The following KCNJ5 variants were observed in gnomAD, a reference collection of about 807,000 sequenced individuals.
The protein encoded by KCNJ5 is G protein-activated inward rectifier potassium channel 4.
A neutral mutation model predicts 20.2 loss-of-function variants in KCNJ5; 12 were observed. The ratio of observed to expected loss-of-function variants is 0.59; its 90% CI spans 0.38 to 0.96. The LOEUF is 0.96. Ranked by LOEUF, KCNJ5 falls within the 40% of genes least tolerant of loss-of-function variation. The pLI is 0.00. For synonymous variants in KCNJ5, 210 were observed against 213.9 expected (o/e 0.98, Z 0.16); for missense variants, 449 against 557.6 (o/e 0.81, Z 1.96).
At chr11:128,916,198 TTGGA>T (rs201935642) in intron 2 of KCNJ5, among the ~76,000 whole-genome samples, 10 of 98,862 alleles carry the variant, frequency 1.0e-4, no homozygotes, top group Non-Finnish European at 1.6e-4. Flanking sequence ...GGATGGATGG[TTGGA>T]TGGATGGATG....
intron 1 of KCNJ5, among the ~76,000 whole-genome samples, chr11:128,896,392 C>G (rs886995548): frequency 2.0e-5 from 3 of 152,150 alleles, no homozygotes; most frequent in Non-Finnish European, 4.4e-5. Flanking sequence ...TTTCCATCAC[C>G]AGGAGGACCT....
At position 128,911,737 on chromosome 11, in the gene KCNJ5, G is replaced by T. The variant is rs766969216; in HGVS notation, c.464G>T (p.Arg155Leu). 1 of 1,614,138 alleles carries T rather than the reference G, an allele frequency of 6.2e-7. No individual in the cohort carries two copies. Among genetic ancestry groups the T allele is most frequent in the Non-Finnish European group, 8.5e-7 (1 of 1,180,012 alleles). ...ETETTIGYGFRVITEKCPEGI... is the reference protein window; with the variant it reads ...ETETTIGYGFLVITEKCPEGI... ...GAAACAACCATTGGGTATGGCTTCC[G>T]AGTCATCACAGAGAAGTGTCCAGAG... The change falls in exon 2 of 3, where the codon CGA becomes CTA. Residue 155 changes from arginine to leucine, a missense_variant. Physicochemically the swap from Arg to Leu is moderately radical, Grantham distance 102. This residue lies in a region of KCNJ5 where 203 missense variants were observed against 258.0 expected (regional missense o/e 0.79). Coordinates refer to ENST00000529694, the MANE Select transcript of KCNJ5 (RefSeq NM_000890.5). This position sits in a 1 kb window ranked among gnomAD's most constrained non-coding sequence, Gnocchi z 6.3.
At chr11:128,896,697 A>G (rs563457434) in intron 1 of KCNJ5, among the ~76,000 whole-genome samples, 1 of 151,968 alleles carries the variant, frequency 6.6e-6, no homozygotes, top group South Asian at 2.1e-4. Context: ...GGAAGGTACC[A>G]TTGCTTGTTT....
chr11:128,895,727 G>A (rs561696350), intron 1 of KCNJ5, among the ~76,000 whole-genome samples: 1 of 152,264 alleles, frequency 6.6e-6, no homozygotes, highest in Non-Finnish European at 1.5e-5. Flanking sequence ...ACTGCCTGGG[G>A]GCGGGCAGAG....
In KCNJ5 at chr11:128,916,370, A is replaced by T. The variant is rs1328506856; in HGVS notation, c.938-39A>T. The stretch of plus-strand genomic sequence containing the variant: ...GATGAATGGATGGATAGATGGATGG[A>T]TGATTGCATCATAATGCATGTAACT... On this transcript the variant is annotated intron_variant, in intron 2 of 2. Transcript: ENST00000529694. 5 of 1,423,566 alleles carry T rather than the reference A, an allele frequency of 3.5e-6. No individual in the cohort carries two copies. The East Asian group carries it at 1.1e-4, about 32-fold the overall frequency. The allele number at this position is 1,423,566 out of a possible 1,614,324, so 88.2% of individuals were successfully genotyped here. A position where few individuals can be genotyped will look rare whatever the true frequency, so the allele number is the denominator to read the frequency against.
In KCNJ5 at chr11:128,891,465, G is replaced by GAGAGAGAA. The variant is rs1565540594; in HGVS notation, c.-260_-259insAAGAGAGA. 17 of 152,554 alleles carry GAGAGAGAA rather than the reference G, an allele frequency of 1.1e-4. No individual in the cohort carries two copies. The highest frequency in any genetic ancestry group is 4.1e-4 in the African/African-American group (17 of 41,266). The allele number at this position is 152,554 out of a possible 1,614,324, so 9.5% of individuals were successfully genotyped here. The stretch of plus-strand genomic sequence containing the variant: ...ACAGAGAGAGAGAGAGAGAGAGAGA[G>GAGAGAGAA]AGAGAGAGAGATTGTTCCAGCTGCT... On this transcript the variant is annotated 5_prime_UTR_variant, in exon 1 of 3. Coordinates refer to ENST00000529694, the MANE Select transcript of KCNJ5 (RefSeq NM_000890.5).
intron 1 of KCNJ5, chr11:128,902,666 G>A (rs778718735): frequency 5.7e-5 from 92 of 1,613,750 alleles, no homozygotes; most frequent in Middle Eastern, 3.3e-4. Context: ...CTGCCGGGCC[G>A]CCTGCCTTTG....
chr11:128,920,573 C>T lies in KCNJ5; in HGVS notation c.*3842C>T, dbSNP rs1252851155. On this transcript the variant is annotated 3_prime_UTR_variant, in exon 3 of 3. Coordinates refer to ENST00000529694, the MANE Select transcript of KCNJ5 (RefSeq NM_000890.5). ...ACTGTGCCCTGAACACACCTCTGCC[C>T]ATGCGCCATGGAGCATGTGTTAGGT... 6.6e-6 allele frequency: 1 copy of T among 152,242 alleles called. No homozygotes were observed. The highest frequency in any genetic ancestry group is 1.5e-5 in the Non-Finnish European group (1 of 68,066). 9.4% of individuals were successfully genotyped at this position (152,242 alleles called of 1,614,324 possible).
chr11:128,899,864 T>C (rs1447061143), intron 1 of KCNJ5: 1 of 151,894 alleles, frequency 6.6e-6, no homozygotes, highest in East Asian at 1.9e-4. Flanking sequence ...AGGGAAGGGG[T>C]GTAAGGAGTG....
At chr11:128,897,006 A>G (rs1327749729) in intron 1 of KCNJ5, among the ~76,000 whole-genome samples, 1 of 146,258 alleles carries the variant, frequency 6.8e-6, no homozygotes, top group African/African-American at 2.5e-5. Context: ...AACATTTGTT[A>G]TTGTCACTAT....
chr11:128,916,179 T>C (rs1944577571), intron 2 of KCNJ5, among the ~76,000 whole-genome samples: 1 of 148,310 alleles, frequency 6.7e-6, no homozygotes, highest in Admixed American at 6.9e-5. Flanking sequence ...TTTTTTTCCA[T>C]ATCTGGATGG....
chr11:128,916,331 T>C (rs1565554532), intron 2 of KCNJ5, 78 bp from the exon 3 acceptor site: 7 of 1,088,876 alleles, frequency 6.4e-6, no homozygotes, highest in Admixed American at 3.4e-5. Flanking sequence ...GATGGATGGA[T>C]TGATGGATGA....
intron 1 of KCNJ5, among the ~76,000 whole-genome samples, chr11:128,909,413 G>A (rs939054752): frequency 4.6e-5 from 7 of 152,238 alleles, no homozygotes; most frequent in African/African-American, 1.7e-4. Flanking sequence ...AAATCACCAA[G>A]TTCCAAAGCA....
At position 128,911,372 on chromosome 11, in the gene KCNJ5, C is replaced by T; in HGVS notation, c.99C>T (p.Val33=). ...KKIPKQARDY[V]PIATDRTRLL... is the part of the protein sequence containing the mutation. ...TTCCAAAACAGGCCCGCGATTATGT[C>T]CCCATTGCCACAGACCGTACGCGCC... The change falls in exon 2 of 3, where the codon GTC becomes GTT. Residue 33 remains valine (V), a synonymous_variant. Coordinates refer to ENST00000529694, the MANE Select transcript of KCNJ5 (RefSeq NM_000890.5). The surrounding 1 kb of genome is among the most constrained non-coding windows in gnomAD (Gnocchi z 6.3). 1 of 1,614,236 alleles carries T rather than the reference C, an allele frequency of 6.2e-7. No individual in the cohort carries two copies. Among genetic ancestry groups the T allele is most frequent in the Non-Finnish European group, 8.5e-7 (1 of 1,180,042 alleles).
chr11:128,914,911 G>A (rs1940456), intron 2 of KCNJ5, among the ~76,000 whole-genome samples: 115,843 of 152,214 alleles, frequency 0.76, 44,500 homozygotes, highest in African/African-American at 0.85. Flanking sequence ...CTCAGGGCCC[G>A]GTTTGGGCCT....
chr11:128,904,112 A>C (rs2135991065), intron 1 of KCNJ5, among the ~76,000 whole-genome samples: 1 of 152,356 alleles, frequency 6.6e-6, no homozygotes, highest in Middle Eastern at 3.4e-3. Context: ...CTGTTTCAGG[A>C]TTAAATGATA....
In KCNJ5 at chr11:128,917,291, CAG is replaced by C. The variant is rs1944599668; in HGVS notation, c.*561_*562del. The C allele has an allele frequency of 6.5e-6, 1 of 153,850 alleles. No homozygotes were observed. The highest frequency in any genetic ancestry group is 2.1e-4 in the South Asian group (1 of 4,860). The allele number at this position is 153,850 out of a possible 1,614,324, so 9.5% of individuals were successfully genotyped here. A position where few individuals can be genotyped will look rare whatever the true frequency, so the allele number is the denominator to read the frequency against. On this transcript the variant is annotated 3_prime_UTR_variant, in exon 3 of 3. Coordinates refer to ENST00000529694, the MANE Select transcript of KCNJ5 (RefSeq NM_000890.5). ...CCATTACTGAGAGGTACAGAGCGTA[CAG>C]CCCTTGGTGTTCTCTGCTGTTATCT...
intron 1 of KCNJ5, among the ~76,000 whole-genome samples, chr11:128,893,708 G>A (rs1398688675): frequency 6.7e-6 from 1 of 148,292 alleles, no homozygotes. Context: ...GAGGGGGGGG[G>A]TCAAAGCGAA....
At chr11:128,902,235 A>T in intron 1 of KCNJ5, 1 of 400,360 alleles carries the variant, frequency 2.5e-6, no homozygotes. Context: ...CACCGCTGGT[A>T]ATCAGCATCC....
Sources: gnomAD v4.1 joint callset for allele counts (sites outside exome capture counted in the v4.1 genomes callset) on GRCh38, gnomAD v4.1.1 for gene constraint, gnomAD v4.1.1 regional missense constraint, Gnocchi (gnomAD v3.1) non-coding constraint, MANE v1.5 for transcripts, NCBI Gene and HGNC (gene_info 2026-07-23, HGNC 2026-07-21) for gene names.